The following ADAMTSL1 variants were observed in gnomAD, a reference collection of about 807,000 sequenced individuals.
ADAMTSL1 encodes ADAMTS-like protein 1.
A neutral mutation model predicts 201.8 loss-of-function variants in ADAMTSL1; 126 were observed. That is an observed-to-expected ratio of 0.62 (90% CI 0.54 to 0.72). ADAMTSL1 has a LOEUF of 0.72. Among genes scored for constraint, ADAMTSL1 ranks in the 30% least tolerant of loss-of-function variants. ADAMTSL1 has a pLI of 0.00. For missense variants in ADAMTSL1, 2,679 were observed against 2,277.8 expected (o/e 1.18, Z -3.59); for synonymous variants, 1,121 against 903.4 (o/e 1.24, Z -4.32).
chr9:18,303,687 G>T (rs946519965), intron 2 of ADAMTSL1, among the ~76,000 whole-genome samples: 1 of 152,090 alleles, frequency 6.6e-6, no homozygotes, highest in African/African-American at 2.4e-5. Context: ...CAGGGATGGG[G>T]GTATGAAATA....
At chr9:18,201,783 T>A (rs570305984) in intron 2 of ADAMTSL1, among the ~76,000 whole-genome samples, 1 of 152,292 alleles carries the variant, frequency 6.6e-6, no homozygotes, top group African/African-American at 2.4e-5. Flanking sequence ...ATTGTTTGTA[T>A]GTCTTTGAAT....
At chr9:18,441,152 A>C (rs925766840) in intron 2 of ADAMTSL1, among the ~76,000 whole-genome samples, 2 of 151,730 alleles carry the variant, frequency 1.3e-5, no homozygotes, top group African/African-American at 4.8e-5. Flanking sequence ...ATTAGTAGCT[A>C]TCAGGGGCTG....
chr9:18,505,220 T>TAGCAA (rs1823061176), intron 2 of ADAMTSL1, among the ~76,000 whole-genome samples: 2 of 152,240 alleles, frequency 1.3e-5, no homozygotes, highest in African/African-American at 4.8e-5. Flanking sequence ...AAGCAAATGT[T>TAGCAA]ATCTGTTTTC....
chr9:17,945,386 A>G, intron 1 of ADAMTSL1, among the ~76,000 whole-genome samples: 1 of 115,282 alleles, frequency 8.7e-6, no homozygotes, highest in Non-Finnish European at 1.8e-5. Context: ...AACTAGTTCA[A>G]CCATTGTGGA....
At chr9:18,121,724 C>T (rs1825504494) in intron 1 of ADAMTSL1, among the ~76,000 whole-genome samples, 1 of 152,104 alleles carries the variant, frequency 6.6e-6, no homozygotes, top group African/African-American at 2.4e-5. Context: ...TCTAAGACTC[C>T]TCCTATGAGG....
chr9:18,236,092 G>T (rs1444115909), intron 2 of ADAMTSL1, among the ~76,000 whole-genome samples: 1 of 152,086 alleles, frequency 6.6e-6, no homozygotes, highest in Admixed American at 6.5e-5. Context: ...CAAATAATCA[G>T]TACCCTCACC....
intron 3 of ADAMTSL1, among the ~76,000 whole-genome samples, chr9:18,545,397 T>G (rs1820411017): frequency 6.6e-6 from 1 of 152,162 alleles, no homozygotes; most frequent in Non-Finnish European, 1.5e-5. Context: ...CTAATTCTCA[T>G]TTAGTAAACA....
intron 10 of ADAMTSL1, among the ~76,000 whole-genome samples, chr9:18,677,923 C>A (rs147540249): frequency 4.6e-5 from 7 of 152,054 alleles, no homozygotes; most frequent in Admixed American, 3.3e-4. Context: ...TGTTTTCATT[C>A]GTAAGAAGAA....
At chr9:18,796,968 A>C (rs1822463208) in intron 20 of ADAMTSL1, among the ~76,000 whole-genome samples, 1 of 152,214 alleles carries the variant, frequency 6.6e-6, no homozygotes, top group Non-Finnish European at 1.5e-5. Flanking sequence ...GCTCTATCAC[A>C]GACTAAATGC....
chr9:18,030,996 T>C (rs979095709), intron 1 of ADAMTSL1, among the ~76,000 whole-genome samples: 1 of 152,196 alleles, frequency 6.6e-6, no homozygotes, highest in African/African-American at 2.4e-5. Context: ...CTGTAGTGAA[T>C]TTTTCAACTC....
At chr9:17,937,832 G>A (rs906560299) in intron 1 of ADAMTSL1, among the ~76,000 whole-genome samples, 1 of 152,104 alleles carries the variant, frequency 6.6e-6, no homozygotes, top group Admixed American at 6.6e-5. Context: ...TAAAACACAT[G>A]GATCTTGAGG....
Position 18,777,632 on chromosome 9 carries a change from C to T in ADAMTSL1, c.3403C>T (p.His1135Tyr), listed in dbSNP as rs1449339773. 1.2e-6 allele frequency: 2 copies of T among 1,613,764 alleles called. No individual in the cohort carries two copies. ...RRTSPVTLSP[H>Y]KHVSGFSSSL... ...GACTTCCCCAGTGACTCTCTCGCCT[C>T]ATAAACACGTGTCTGGCTTCAGCAG... The change falls in exon 19 of 29, where the codon CAT becomes TAT. Residue 1135 changes from histidine (H) to tyrosine (Y), a missense_variant. Physicochemically the swap from His to Tyr is moderately conservative, Grantham distance 83 (BLOSUM62 2). Coordinates refer to ENST00000380548, the MANE Select transcript of ADAMTSL1 (RefSeq NM_001040272.6).
At position 18,135,191 on chromosome 9, in the gene ADAMTSL1, A is replaced by C. The variant is rs1177973098; in HGVS notation, c.88-28671A>C. On this transcript the variant is annotated intron_variant, in intron 1 of 29. Transcript: ENST00000680146. ...TAACTCCATATGTGGAATCTGCTCT[A>C]GTTAAGTAAAAAACATAAAACGCTG... Among the ~76,000 whole-genome samples the C allele has an allele frequency of 2.6e-5, 4 of 152,204 alleles. 1 individual carries two copies.
intron 1 of ADAMTSL1, among the ~76,000 whole-genome samples, chr9:18,500,423 G>A (rs1822772769): frequency 1.3e-5 from 2 of 152,152 alleles, no homozygotes; most frequent in Admixed American, 6.5e-5. Context: ...GTCTTGACTG[G>A]CCAGGAACGA....
At chr9:18,907,738 G>A (rs1438972907) in intron 28 of ADAMTSL1, 1 of 153,096 alleles carries the variant, frequency 6.5e-6, no homozygotes, top group African/African-American at 2.4e-5. Flanking sequence ...GTTAACCCAT[G>A]TTTGTGTCAG....
chr9:17,952,769 C>T (rs976855685), intron 1 of ADAMTSL1, among the ~76,000 whole-genome samples: 5 of 152,170 alleles, frequency 3.3e-5, no homozygotes, highest in Non-Finnish European at 7.4e-5. Context: ...TCAAGCCATC[C>T]ATCTGACTTG....
At chr9:18,706,356 C>T (rs966948983) in intron 13 of ADAMTSL1, among the ~76,000 whole-genome samples, 5 of 152,128 alleles carry the variant, frequency 3.3e-5, no homozygotes, top group Non-Finnish European at 4.4e-5. Context: ...CAGGATCTGG[C>T]CGGCTTCTTT....
At chr9:18,831,723 G>C (rs917497000) in intron 23 of ADAMTSL1, among the ~76,000 whole-genome samples, 24 of 152,194 alleles carry the variant, frequency 1.6e-4, no homozygotes, top group African/African-American at 5.5e-4. Context: ...GAATGAGACA[G>C]TGAGTCAGTA....
At chr9:18,849,583 G>A (rs562960227) in intron 23 of ADAMTSL1, among the ~76,000 whole-genome samples, 1 of 152,308 alleles carries the variant, frequency 6.6e-6, no homozygotes, top group African/African-American at 2.4e-5. Flanking sequence ...GGAAGGTGAT[G>A]CCAAGGAAGG....
Sources: allele counts gnomAD v4.1 joint callset (sites outside exome capture counted in the v4.1 genomes callset), GRCh38; gene constraint gnomAD v4.1.1; transcripts MANE v1.5; gene names NCBI Gene and HGNC (gene_info 2026-07-23, HGNC 2026-07-21).